The following SLC7A1 variants were observed in gnomAD, a reference collection of about 807,000 sequenced individuals.
SLC7A1 encodes the protein high affinity cationic amino acid transporter 1.
SLC7A1 carries 10 observed loss-of-function variants against 53.9 expected under a neutral mutation model. The ratio of observed to expected loss-of-function variants is 0.19; its 90% confidence interval spans 0.11 to 0.31. The LOEUF (loss-of-function observed/expected upper bound fraction) is 0.31. SLC7A1 is among the 10% of genes least tolerant of loss of function. The pLI, the probability that SLC7A1 is intolerant of heterozygous loss-of-function variation, is 1.00. For synonymous variants in SLC7A1, 342 were observed against 338.7 expected, an observed-to-expected ratio of 1.01 and a Z score of -0.11; for missense variants, 525 against 827.2, an observed-to-expected ratio of 0.63 and a Z score of 4.48.
In SLC7A1 at chr13:29,535,799, T is replaced by G; in HGVS notation, c.370+20A>C. On this transcript the variant is annotated intron_variant, in intron 3 of 12. Coordinates refer to ENST00000380752, the MANE Select transcript of SLC7A1 (RefSeq NM_003045.5). ...CAGAAAAGTGGTAGAGGGCACGAGCTCCGGACCCCTGGGACCTACCGATGA... is the reference window on the plus strand; with the variant it reads ...CAGAAAAGTGGTAGAGGGCACGAGCGCCGGACCCCTGGGACCTACCGATGA... The G allele has an allele frequency of 6.2e-7, 1 of 1,602,614 alleles. No homozygotes were observed. The highest frequency in any genetic ancestry group is 8.5e-7 in the Non-Finnish European group (1 of 1,170,876).
chr13:29,589,755 AG>A (rs1314297440), intron 1 of SLC7A1, among the ~76,000 whole-genome samples: 1 of 152,140 alleles, frequency 6.6e-6, no homozygotes. Flanking sequence ...AGGCCAGGCC[AG>A]GCCTATCCCG....
intron 1 of SLC7A1, among the ~76,000 whole-genome samples, chr13:29,563,946 A>C (rs1870866465): frequency 6.6e-6 from 1 of 152,200 alleles, no homozygotes; most frequent in African/African-American, 2.4e-5. Context: ...GCTTCTCTCC[A>C]AGTGATGCTC....
chr13:29,579,671 T>G (rs1871559274), intron 1 of SLC7A1, among the ~76,000 whole-genome samples: 1 of 152,082 alleles, frequency 6.6e-6, no homozygotes, highest in Non-Finnish European at 1.5e-5. Flanking sequence ...CATCAGACCA[T>G]GAAATGTTTG....
In SLC7A1 at chr13:29,519,514, C is replaced by T; in HGVS notation, c.1225G>A (p.Val409Met). 3 of 1,613,436 alleles carry T rather than the reference C, an allele frequency of 1.9e-6. No individual in the cohort carries two copies. The highest frequency in any genetic ancestry group is 2.5e-6 in the Non-Finnish European group (3 of 1,179,496). Residue 409 changes from valine to methionine, a missense_variant, in exon 9 of 13, where the codon GTG becomes ATG. This residue lies in a region of SLC7A1 where 354 missense variants were observed against 587.5 expected (regional missense o/e 0.60). Coordinates refer to ENST00000380752, the MANE Select transcript of SLC7A1 (RefSeq NM_003045.5). ...AGAGTGCCAATGGACATGAGGTCCACCAAGTCCTTCAGGTCAAAGAGGAAG... is the reference window on the plus strand; with the variant it reads ...AGAGTGCCAATGGACATGAGGTCCATCAAGTCCTTCAGGTCAAAGAGGAAG... ...MAFLFDLKDLVDLMSIGTLLA... is the reference protein window; with the variant it reads ...MAFLFDLKDLMDLMSIGTLLA...
At chr13:29,539,335 G>A (rs1379575460) in intron 2 of SLC7A1, among the ~76,000 whole-genome samples, 6 of 152,112 alleles carry the variant, frequency 3.9e-5, no homozygotes, top group African/African-American at 1.4e-4. Context: ...CCGGCTGCTC[G>A]CATAAGAGGA....
chr13:29,565,881 T>C (rs187941660), intron 1 of SLC7A1, among the ~76,000 whole-genome samples: 24 of 152,296 alleles, frequency 1.6e-4, no homozygotes, highest in Admixed American at 1.4e-3. Context: ...CGCAGCAGCA[T>C]CTATACAGAG....
At chr13:29,581,295 T>C (rs1189081346) in intron 1 of SLC7A1, among the ~76,000 whole-genome samples, 4 of 152,058 alleles carry the variant, frequency 2.6e-5, no homozygotes, top group Admixed American at 6.5e-5. Context: ...TTGCAGAAAA[T>C]ACAGAAGCTT....
At chr13:29,574,523 A>G (rs1341315587) in intron 1 of SLC7A1, among the ~76,000 whole-genome samples, 1 of 152,168 alleles carries the variant, frequency 6.6e-6, no homozygotes, top group African/African-American at 2.4e-5. Context: ...ACATGAATAC[A>G]TGAATGGAGG....
intron 1 of SLC7A1, among the ~76,000 whole-genome samples, chr13:29,557,329 T>C (rs1870482131): frequency 6.6e-6 from 1 of 152,166 alleles, no homozygotes; most frequent in African/African-American, 2.4e-5. Context: ...GATAGGGATG[T>C]GTTCTGAGAA....
intron 1 of SLC7A1, among the ~76,000 whole-genome samples, chr13:29,587,490 G>T (rs1157070191): frequency 6.6e-6 from 1 of 152,138 alleles, no homozygotes; most frequent in East Asian, 1.9e-4. Flanking sequence ...GGGCCAAGAG[G>T]CTCATTAAAA....
At chr13:29,593,093 G>C (rs1872175224) in intron 1 of SLC7A1, among the ~76,000 whole-genome samples, 1 of 152,130 alleles carries the variant, frequency 6.6e-6, no homozygotes, top group Non-Finnish European at 1.5e-5. Flanking sequence ...CCTGAGAGGG[G>C]CCCCAAGAAG....
At chr13:29,549,785 C>A (rs1870092230) in intron 2 of SLC7A1, among the ~76,000 whole-genome samples, 1 of 152,150 alleles carries the variant, frequency 6.6e-6, no homozygotes, top group Non-Finnish European at 1.5e-5. Context: ...CCACCTCAGC[C>A]TCCTGAGTAG....
intron 8 of SLC7A1, 90 bp from the exon 9 acceptor site, chr13:29,519,639 C>G (rs1006638085): frequency 1.3e-6 from 1 of 750,892 alleles, no homozygotes; most frequent in Admixed American, 2.5e-5. Flanking sequence ...TCCAGGGCAG[C>G]GAAGGGGGCT....
At chr13:29,591,985 G>A (rs1872130684) in intron 1 of SLC7A1, among the ~76,000 whole-genome samples, 1 of 152,182 alleles carries the variant, frequency 6.6e-6, no homozygotes, top group Non-Finnish European at 1.5e-5. Context: ...CTACTGTGAG[G>A]CTGAGAGGGA....
At chr13:29,557,611 C>A (rs747244478) in intron 1 of SLC7A1, among the ~76,000 whole-genome samples, 3 of 147,758 alleles carry the variant, frequency 2.0e-5, no homozygotes, top group Non-Finnish European at 4.5e-5. Flanking sequence ...TTACCATGAA[C>A]GAAGCCTGCA....
chr13:29,523,303 C>T lies in SLC7A1; in HGVS notation c.1012G>A (p.Ala338Thr), dbSNP rs1450032795. 11 of 1,613,590 alleles carry T rather than the reference C, an allele frequency of 6.8e-6. No homozygotes were observed. The highest frequency in any genetic ancestry group is 1.7e-5 in the Admixed American group (1 of 60,004). The change falls in exon 7 of 13, where the codon GCA (alanine) becomes ACA (threonine). Residue 338 changes from alanine to threonine, a missense_variant. Around this residue, in one of 4 missense-constraint regions of SLC7A1, gnomAD observed 354 missense variants for 587.5 expected, o/e 0.60. Coordinates refer to ENST00000380752, the MANE Select transcript of SLC7A1 (RefSeq NM_003045.5). ...KHVGWEGAKYAVAVGSLCALS... is the reference protein window; with the variant it reads ...KHVGWEGAKYTVAVGSLCALS... ...GCGCAGAGGGAGCCCACGGCCACTG[C>T]GTACTTGGCACCTTCCCAGCCCACG... is the stretch of plus-strand genomic sequence containing the variant.
chr13:29,557,383 TG>T (rs1193478842), intron 1 of SLC7A1, among the ~76,000 whole-genome samples: 1 of 152,068 alleles, frequency 6.6e-6, no homozygotes, highest in Non-Finnish European at 1.5e-5. Flanking sequence ...CATCCTGGAG[TG>T]TACTTAGAGT....
chr13:29,515,786 TG>T (rs1883537433), intron 12 of SLC7A1, among the ~76,000 whole-genome samples: 1 of 152,238 alleles, frequency 6.6e-6, no homozygotes, highest in Non-Finnish European at 1.5e-5. Flanking sequence ...CCACCCTGCC[TG>T]GGCCTAGTGC....
chr13:29,587,556 C>G (rs1377348845), intron 1 of SLC7A1, among the ~76,000 whole-genome samples: 1 of 152,232 alleles, frequency 6.6e-6, no homozygotes, highest in African/African-American at 2.4e-5. Context: ...GGGGCCAGTG[C>G]TGTTTCCCTC....
Sources: allele counts gnomAD v4.1 joint callset (sites outside exome capture counted in the v4.1 genomes callset), GRCh38; gene constraint gnomAD v4.1.1; regional missense constraint gnomAD v4.1.1; transcripts MANE v1.5; gene names NCBI Gene and HGNC (gene_info 2026-07-23, HGNC 2026-07-21).